The following HPSE2 variants were observed in gnomAD, a reference collection of about 807,000 sequenced individuals.
HPSE2 encodes inactive heparanase-2.
Under a neutral mutation model 60.5 loss-of-function variants are expected in HPSE2, and 38 were observed. The ratio of observed to expected loss-of-function variants is 0.63; its 90% CI spans 0.48 to 0.82. The LOEUF is 0.82. HPSE2 is among the 40% of genes least tolerant of loss of function. The pLI is 0.00. For missense variants in HPSE2, 713 were observed against 740.4 expected (o/e 0.96, Z 0.43); for synonymous variants, 295 against 293.2 (o/e 1.01, Z -0.06).
At chr10:98,529,061 T>C (rs1243635807) in intron 9 of HPSE2, among the ~76,000 whole-genome samples, 1 of 152,254 alleles carries the variant, frequency 6.6e-6, no homozygotes, top group Non-Finnish European at 1.5e-5. Flanking sequence ...CATTTTCAAA[T>C]GCGCGCACGC....
intron 3 of HPSE2, among the ~76,000 whole-genome samples, chr10:99,095,854 G>T (rs1042414752): frequency 6.6e-6 from 1 of 152,134 alleles, no homozygotes; most frequent in Admixed American, 6.5e-5. Context: ...ACAAGTTTTT[G>T]TGTGGACATC....
intron 3 of HPSE2, among the ~76,000 whole-genome samples, chr10:98,907,805 GGTATAAAA>G (rs140505589): frequency 0.039 from 5,997 of 152,102 alleles, 155 homozygotes; most frequent in Middle Eastern, 0.065. Flanking sequence ...CATGAGATAT[GGTATAAAA>G]GTATAAAAAG....
At chr10:98,769,372 A>G (rs1340155531) in intron 3 of HPSE2, among the ~76,000 whole-genome samples, 1 of 152,120 alleles carries the variant, frequency 6.6e-6, no homozygotes, top group Non-Finnish European at 1.5e-5. Context: ...TTGTGTAGAA[A>G]TATTATGGAA....
intron 2 of HPSE2, among the ~76,000 whole-genome samples, chr10:99,195,983 C>A (rs921025645): frequency 1.3e-5 from 2 of 152,046 alleles, no homozygotes; most frequent in Admixed American, 1.3e-4. Flanking sequence ...GTAACCAAAA[C>A]AGCATGGTAG....
intron 3 of HPSE2, among the ~76,000 whole-genome samples, chr10:99,057,869 A>G (rs1958149463): frequency 6.6e-6 from 1 of 152,096 alleles, no homozygotes; most frequent in African/African-American, 2.4e-5. Flanking sequence ...TTCATGCACA[A>G]ACAGTCACAT....
At chr10:98,512,408 T>A (rs931714035) in intron 9 of HPSE2, among the ~76,000 whole-genome samples, 2 of 152,034 alleles carry the variant, frequency 1.3e-5, no homozygotes, top group Non-Finnish European at 2.9e-5. Flanking sequence ...GGTGAAACCC[T>A]GTCTCTACTA....
chr10:99,112,629 T>G (rs1844516078), intron 3 of HPSE2, among the ~76,000 whole-genome samples: 1 of 152,122 alleles, frequency 6.6e-6, no homozygotes, highest in Non-Finnish European at 1.5e-5. Context: ...TATTTTTCCC[T>G]GCTGGCTAAG....
chr10:99,013,060 C>G (rs1198110458), intron 3 of HPSE2: 2 of 544,036 alleles, frequency 3.7e-6, no homozygotes, highest in Admixed American at 5.1e-5. Context: ...AAGTTTAGCA[C>G]TTCATTTATA....
At chr10:98,543,287 T>C (rs531565052) in intron 9 of HPSE2, among the ~76,000 whole-genome samples, 1 of 152,138 alleles carries the variant, frequency 6.6e-6, no homozygotes, top group Non-Finnish European at 1.5e-5. Flanking sequence ...CTGAGAGAGT[T>C]TGTCACCACC....
intron 3 of HPSE2, among the ~76,000 whole-genome samples, chr10:98,924,035 G>C (rs1356973866): frequency 2.0e-5 from 3 of 152,132 alleles, no homozygotes; most frequent in African/African-American, 7.2e-5. Context: ...GCTTATTTGT[G>C]CCTGTCTTTC....
intron 3 of HPSE2, among the ~76,000 whole-genome samples, chr10:99,121,707 T>A (rs975128036): frequency 8.5e-5 from 13 of 152,186 alleles, no homozygotes; most frequent in African/African-American, 2.9e-4. Context: ...TGTGTAGTGT[T>A]GGGATAAGTA....
At chr10:99,013,147 ATCCC>A (rs1266519539) in intron 3 of HPSE2, 1 of 674,910 alleles carries the variant, frequency 1.5e-6, no homozygotes, top group East Asian at 3.2e-5. Flanking sequence ...CCTTGGCACA[ATCCC>A]TCACCAGTTA....
intron 3 of HPSE2, among the ~76,000 whole-genome samples, chr10:98,956,126 A>G (rs1021971774): frequency 6.6e-6 from 1 of 152,164 alleles, no homozygotes; most frequent in African/African-American, 2.4e-5. Flanking sequence ...TTAAAAAAAC[A>G]AAAACAAAAA....
chr10:99,053,075 A>G (rs1003643783), intron 3 of HPSE2, among the ~76,000 whole-genome samples: 4 of 151,660 alleles, frequency 2.6e-5, no homozygotes, highest in African/African-American at 4.8e-5. Context: ...ACTTAACACT[A>G]CTAAACTATA....
chr10:99,086,647 C>A (rs1187927235), intron 3 of HPSE2, among the ~76,000 whole-genome samples: 3 of 151,968 alleles, frequency 2.0e-5, no homozygotes, highest in Non-Finnish European at 4.4e-5. Context: ...CCACCGCGCC[C>A]GGCCGGAAAA....
At chr10:98,546,435 G>T (rs1943677135) in intron 9 of HPSE2, among the ~76,000 whole-genome samples, 1 of 148,594 alleles carries the variant, frequency 6.7e-6, no homozygotes, top group African/African-American at 2.4e-5. Context: ...AAAACAGCAT[G>T]GTACTGGTAC....
intron 3 of HPSE2, among the ~76,000 whole-genome samples, chr10:99,072,300 C>T (rs574519949): frequency 6.6e-6 from 1 of 151,682 alleles, no homozygotes; most frequent in East Asian, 2.0e-4. Flanking sequence ...ATTGACAAAT[C>T]GGATCTAATT....
At chr10:98,796,550 C>T (rs1348347485) in intron 3 of HPSE2, among the ~76,000 whole-genome samples, 1 of 152,168 alleles carries the variant, frequency 6.6e-6, no homozygotes. Flanking sequence ...TGACTCCAAT[C>T]CCCGGCTCCA....
intron 9 of HPSE2, among the ~76,000 whole-genome samples, chr10:98,491,347 G>A (rs1034176870): frequency 6.6e-6 from 1 of 152,106 alleles, no homozygotes; most frequent in Non-Finnish European, 1.5e-5. Context: ...TGTGCTCTAA[G>A]CCATGCACAA....
Sources: allele counts gnomAD v4.1 joint callset (sites outside exome capture counted in the v4.1 genomes callset), GRCh38; gene constraint gnomAD v4.1.1; transcripts MANE v1.5; gene names NCBI Gene and HGNC (gene_info 2026-07-23, HGNC 2026-07-21).